The following ST8SIA5 variants were observed in gnomAD, a reference collection of about 807,000 sequenced individuals.
ST8SIA5 encodes alpha-2,8-sialyltransferase 8E.
ST8SIA5 carries 24 observed loss-of-function variants against 40.2 expected under a neutral mutation model. The ratio of observed to expected loss-of-function variants is 0.60; its 90% CI spans 0.43 to 0.84. The LOEUF (loss-of-function observed/expected upper bound fraction) is 0.84. Ranked by LOEUF, ST8SIA5 falls within the 40% of genes least tolerant of loss-of-function variation. The probability of loss-of-function intolerance (pLI) is 0.00; values close to 1 mark genes in which losing one functional copy is unlikely to be tolerated. For missense variants in ST8SIA5, 465 were observed against 498.5 expected (o/e 0.93, Z 0.64); for synonymous variants, 198 against 201.8 (o/e 0.98, Z 0.16).
At chr18:46,681,494 T>A (rs1324737089) in intron 6 of ST8SIA5, among the ~76,000 whole-genome samples, 5 of 152,198 alleles carry the variant, frequency 3.3e-5, no homozygotes, top group Non-Finnish European at 7.3e-5. Flanking sequence ...ACCTTCCAGA[T>A]GAACCCCAGG....
chr18:46,747,910 T>C (rs1331524890), intron 1 of ST8SIA5, among the ~76,000 whole-genome samples: 1 of 152,232 alleles, frequency 6.6e-6, no homozygotes, highest in Non-Finnish European at 1.5e-5. Context: ...GATGAGTTCA[T>C]GTCCTTTGCA....
At chr18:46,740,987 A>C (rs556663758) in intron 1 of ST8SIA5, among the ~76,000 whole-genome samples, 4 of 152,324 alleles carry the variant, frequency 2.6e-5, no homozygotes, top group African/African-American at 9.6e-5. Context: ...TACATTAGAA[A>C]ATAGAAAGAC....
At chr18:46,747,979 C>A (rs1179337605) in intron 1 of ST8SIA5, among the ~76,000 whole-genome samples, 1 of 152,062 alleles carries the variant, frequency 6.6e-6, no homozygotes, top group Non-Finnish European at 1.5e-5. Context: ...GGACAGAAAA[C>A]CAAACACTGC....
At chr18:46,686,092 G>T (rs2039443385) in intron 5 of ST8SIA5, 82 bp downstream of exon 5, 4 of 1,342,924 alleles carry the variant, frequency 3.0e-6, no homozygotes, top group Non-Finnish European at 4.3e-6. Flanking sequence ...TTGCTTAAAG[G>T]GTAGCATTAG....
Position 46,696,198 on chromosome 18 carries a change from G to A in ST8SIA5, c.225-3943C>T, listed in dbSNP as rs118108699. Among the ~76,000 whole-genome samples, 5 of 152,270 alleles carry A rather than the reference G, an allele frequency of 3.3e-5. No individual in the cohort carries two copies. The East Asian group carries it at 9.6e-4, about 29-fold the overall frequency. ...TGGCAGCTTTCCTCCTCCCACCCTG[G>A]CTGACAGAAGGCAAACCTTCCTTCC... On this transcript the variant is annotated intron_variant, in intron 2 of 6. Transcript: ENST00000315087.
At chr18:46,704,087 G>A (rs2039645085) in intron 2 of ST8SIA5, among the ~76,000 whole-genome samples, 1 of 152,060 alleles carries the variant, frequency 6.6e-6, no homozygotes, top group Non-Finnish European at 1.5e-5. Context: ...AGAACTCGGT[G>A]GCTCTTCATT....
Position 46,701,853 on chromosome 18 carries a change from A to T in ST8SIA5, c.224+2719T>A, listed in dbSNP as rs148827647. Among the ~76,000 whole-genome samples, 1,509 of 152,316 alleles carry T rather than the reference A, an allele frequency of 9.9e-3. 36 individuals are homozygous for T. The highest frequency in any genetic ancestry group is 0.034 in the African/African-American group (1,420 of 41,576). On this transcript the variant is annotated intron_variant, in intron 2 of 6. Transcript: ENST00000315087. ...GAAGAAACTATACATTTTATAATTTAAAAAAATTAGTCAGCTGGGTGCGGT... is the reference window on the plus strand; with the variant it reads ...GAAGAAACTATACATTTTATAATTTTAAAAAATTAGTCAGCTGGGTGCGGT...
intron 1 of ST8SIA5, among the ~76,000 whole-genome samples, chr18:46,715,399 G>GA (rs1436023653): frequency 6.6e-6 from 1 of 152,080 alleles, no homozygotes; most frequent in African/African-American, 2.4e-5. Context: ...GCAACAATCA[G>GA]AAAAACACTA....
intron 1 of ST8SIA5, among the ~76,000 whole-genome samples, chr18:46,718,413 A>T (rs2039816053): frequency 6.6e-6 from 1 of 152,090 alleles, no homozygotes; most frequent in Non-Finnish European, 1.5e-5. Context: ...ACAACACTTC[A>T]TAGACCTAGA....
At chr18:46,749,375 C>G (rs535682514) in intron 1 of ST8SIA5, among the ~76,000 whole-genome samples, 48 of 152,152 alleles carry the variant, frequency 3.2e-4, no homozygotes, top group African/African-American at 1.2e-3. Context: ...TTCAATAAAG[C>G]TGTCAAAAAA....
chr18:46,745,356 T>C (rs2040128821), intron 1 of ST8SIA5, among the ~76,000 whole-genome samples: 1 of 151,722 alleles, frequency 6.6e-6, no homozygotes. Context: ...AAGAATCAAA[T>C]AGATGCAATA....
intron 1 of ST8SIA5, among the ~76,000 whole-genome samples, chr18:46,709,300 C>A (rs1342008135): frequency 6.6e-5 from 10 of 152,186 alleles, no homozygotes. Flanking sequence ...TGTGAGGATG[C>A]AGCAAGAAGC....
At chr18:46,721,641 C>A (rs1365044731) in intron 1 of ST8SIA5, among the ~76,000 whole-genome samples, 1 of 152,180 alleles carries the variant, frequency 6.6e-6, no homozygotes, top group Non-Finnish European at 1.5e-5. Flanking sequence ...AAACCACAGC[C>A]CTCTACAGTG....
chr18:46,718,939 T>G (rs2039822469), intron 1 of ST8SIA5, among the ~76,000 whole-genome samples: 1 of 152,138 alleles, frequency 6.6e-6, no homozygotes, highest in South Asian at 2.1e-4. Context: ...CCTGCCCATT[T>G]TAAAGAAGGC....
chr18:46,712,921 A>G (rs1394366465), intron 1 of ST8SIA5, among the ~76,000 whole-genome samples: 1 of 152,216 alleles, frequency 6.6e-6, no homozygotes, highest in Non-Finnish European at 1.5e-5. Context: ...GAATAGAGGC[A>G]TGGAGCCCTG....
In ST8SIA5 at chr18:46,677,953, G is replaced by A. The variant is rs1396275728; in HGVS notation, c.*2089C>T. ...CCTGTTTCCTAAAGTGGAACAAAAT[G>A]GTCTTTAAGAACCTTCTAGTTTTTA... On this transcript the variant is annotated 3_prime_UTR_variant, in exon 7 of 7. Coordinates refer to ENST00000315087, the MANE Select transcript of ST8SIA5 (RefSeq NM_013305.6). The A allele has an allele frequency of 2.0e-5, 3 of 152,214 alleles. No homozygotes were observed. In the East Asian group the frequency reaches 5.8e-4, roughly 29 times the overall value. 9.4% of individuals were successfully genotyped at this position (152,214 alleles called of 1,614,324 possible). A position where few individuals can be genotyped will look rare whatever the true frequency, so the allele number is the denominator to read the frequency against.
In ST8SIA5 at chr18:46,728,351, G is replaced by A. The variant is rs543377871; in HGVS notation, c.132-23687C>T. Among the ~76,000 whole-genome samples, 8 of 152,358 alleles carry A rather than the reference G, an allele frequency of 5.3e-5. No homozygotes were observed. In the South Asian group the frequency reaches 1.7e-3, roughly 32 times the overall value. On this transcript the variant is annotated intron_variant, in intron 1 of 6. Coordinates refer to ENST00000315087, the MANE Select transcript of ST8SIA5 (RefSeq NM_013305.6). ...AATTTTGTGGGGGACACAGGAAGGG[G>A]AGGAAGTGGCACATGCGTAGCTATC...
At chr18:46,756,263 C>A in intron 1 of ST8SIA5, 115 bp downstream of exon 1, 1 of 1,426,040 alleles carries the variant, frequency 7.0e-7, no homozygotes, top group Non-Finnish European at 9.4e-7. Context: ...GGGCTAGGAG[C>A]GGACCCCACG....
intron 1 of ST8SIA5, among the ~76,000 whole-genome samples, chr18:46,734,779 T>C (rs972055973): frequency 5.3e-5 from 8 of 152,224 alleles, no homozygotes; most frequent in Non-Finnish European, 1.0e-4. Context: ...ACTTAGTATA[T>C]AAGATAGTTG....
Sources: allele counts gnomAD v4.1 joint callset (sites outside exome capture counted in the v4.1 genomes callset), GRCh38; gene constraint gnomAD v4.1.1; transcripts MANE v1.5; gene names NCBI Gene and HGNC (gene_info 2026-07-23, HGNC 2026-07-21).